The following PRDM15 variants were observed in gnomAD, a reference collection of about 807,000 sequenced individuals.
The protein encoded by PRDM15 is PR domain zinc finger protein 15.
PRDM15 carries 64 observed loss-of-function variants against 128.6 expected under a neutral mutation model. The observed-to-expected ratio is 0.50, with a 90% CI of 0.41 to 0.61. PRDM15 has a LOEUF of 0.61. Among genes scored for constraint, PRDM15 ranks in the 20% least tolerant of loss-of-function variants. PRDM15 has a pLI of 0.00. For missense variants in PRDM15, 1,242 were observed against 1,569.1 expected (o/e 0.79, Z 3.52); for synonymous variants, 615 against 621.8 (o/e 0.99, Z 0.16).
intron 5 of PRDM15, among the ~76,000 whole-genome samples, chr21:41,849,121 A>T (rs2063351249): frequency 6.6e-6 from 1 of 152,236 alleles, no homozygotes; most frequent in Admixed American, 6.5e-5. Flanking sequence ...AAAACAAACA[A>T]ACAAAAAAGG....
chr21:41,807,203 G>A (rs1446657507), intron 21 of PRDM15, among the ~76,000 whole-genome samples: 1 of 152,214 alleles, frequency 6.6e-6, no homozygotes, highest in Non-Finnish European at 1.5e-5. Flanking sequence ...AGAAAAAAGT[G>A]AAAATTGCTT....
intron 23 of PRDM15, among the ~76,000 whole-genome samples, chr21:41,802,468 T>G (rs1354421326): frequency 6.6e-6 from 1 of 152,184 alleles, no homozygotes; most frequent in African/African-American, 2.4e-5. Flanking sequence ...CAGGGATATC[T>G]CTCTTCAACA....
Position 41,801,589 on chromosome 21 carries a change from T to G in PRDM15, c.3077A>C (p.His1026Pro), listed in dbSNP as rs766733881. 2 of 1,613,880 alleles carry G rather than the reference T, an allele frequency of 1.2e-6. No individual in the cohort carries two copies. The highest frequency in any genetic ancestry group is 2.2e-5 in the South Asian group (2 of 91,066). Residue 1026 changes from histidine to proline, a missense_variant, in exon 24 of 24, where the codon CAC (histidine) becomes CCC (proline). His to Pro is a moderately conservative substitution (Grantham distance 77, BLOSUM62 -2). Coordinates refer to ENST00000398548, the MANE Select transcript of PRDM15 (RefSeq NM_001040424.3). Reference sequence around the variant, plus strand: ...TAACTGGCGTTCAGGGGTGGTAAGGTGCCCCACGGCCACCGGCTGGAGATT... The same window carrying G: ...TAACTGGCGTTCAGGGGTGGTAAGGGGCCCCACGGCCACCGGCTGGAGATT... ...FTNLQPVAVG[H>P]LTTPERQLQL...
chr21:41,834,500 C>T (rs1372626956), intron 11 of PRDM15: 2 of 1,550,254 alleles, frequency 1.3e-6, no homozygotes, highest in South Asian at 1.2e-5. Context: ...GCGTCGAAGG[C>T]TAACCTGGTA....
intron 1 of PRDM15, among the ~76,000 whole-genome samples, chr21:41,866,701 G>C (rs1440583571): frequency 6.6e-6 from 1 of 152,158 alleles, no homozygotes; most frequent in African/African-American, 2.4e-5. Flanking sequence ...CCAGATATTC[G>C]TGGGACACCT....
At chr21:41,878,641 G>A in intron 1 of PRDM15, 1 of 1,129,512 alleles carries the variant, frequency 8.9e-7, no homozygotes, top group Non-Finnish European at 1.2e-6. Context: ...CCTTCTCTCT[G>A]CCACCAAAAG....
intron 1 of PRDM15, chr21:41,867,419 T>A: frequency 7.1e-7 from 1 of 1,413,976 alleles, no homozygotes; most frequent in Non-Finnish European, 1.0e-6. Flanking sequence ...CTCTACACAC[T>A]TCAGCAGAAC....
intron 11 of PRDM15, among the ~76,000 whole-genome samples, chr21:41,830,011 CAT>C (rs1343958749): frequency 2.0e-5 from 3 of 151,664 alleles, no homozygotes; most frequent in Non-Finnish European, 4.4e-5. Context: ...CACAAACACA[CAT>C]ACTCAACACA....
In PRDM15 at chr21:41,801,593, C is replaced by T. The variant is rs1459380979; in HGVS notation, c.3073G>A (p.Gly1025Arg). The change falls in exon 24 of 24, where the codon GGG (glycine) becomes AGG (arginine). Residue 1025 changes from glycine (G) to arginine (R), a missense_variant. Gly to Arg is a moderately radical substitution (Grantham distance 125, BLOSUM62 -2). Around this residue, in one of 3 missense-constraint regions of PRDM15, gnomAD observed 602 missense variants for 788.3 expected, o/e 0.76. Coordinates refer to ENST00000398548, the MANE Select transcript of PRDM15 (RefSeq NM_001040424.3). ...QFTNLQPVAV[G>R]HLTTPERQLQ... ...TGGCGTTCAGGGGTGGTAAGGTGCC[C>T]CACGGCCACCGGCTGGAGATTGGTA... 30 of 1,614,118 alleles carry T rather than the reference C, an allele frequency of 1.9e-5. No homozygotes were observed. Among genetic ancestry groups the T allele is most frequent in the Non-Finnish European group, 2.5e-5 (29 of 1,180,026 alleles).
intron 6 of PRDM15, among the ~76,000 whole-genome samples, chr21:41,845,623 G>A (rs1044455884): frequency 6.6e-6 from 1 of 151,990 alleles, no homozygotes; most frequent in Non-Finnish European, 1.5e-5. Context: ...ATGGAGCCAC[G>A]GTTGTACCTC....
At chr21:41,835,296 T>A (rs1166423263) in intron 11 of PRDM15, 141 bp downstream of exon 11, 1 of 696,130 alleles carries the variant, frequency 1.4e-6, no homozygotes, top group East Asian at 2.7e-5. Flanking sequence ...TGAAGCAAAA[T>A]GGACAGAGGG....
intron 11 of PRDM15, among the ~76,000 whole-genome samples, chr21:41,829,962 T>C (rs2062626028): frequency 7.0e-6 from 1 of 142,186 alleles, no homozygotes; most frequent in Non-Finnish European, 1.5e-5. Flanking sequence ...AAATACACAG[T>C]CAACACACAC....
At chr21:41,830,667 CACCACACAAATACATCCACAT>C (rs386627334) in intron 11 of PRDM15, among the ~76,000 whole-genome samples, 90,457 of 151,502 alleles carry the variant, frequency 0.6, 27,170 homozygotes, top group Admixed American at 0.67. Flanking sequence ...ACTAAACACA[CACCACACAAATACATCCACAT>C]ACCACACAAA....
At chr21:41,819,298 G>T (rs550586006) in intron 18 of PRDM15, among the ~76,000 whole-genome samples, 1 of 152,176 alleles carries the variant, frequency 6.6e-6, no homozygotes, top group South Asian at 2.1e-4. Context: ...GCCTGGCTGA[G>T]CCTGGCCCGT....
rs191771894 is a variant in PRDM15 at position 41,839,789 on chromosome 21, T to A, written c.705A>T (p.Ala235=). The change falls in exon 7 of 24, where the codon GCA becomes GCT. Residue 235 remains alanine, a synonymous_variant. Coordinates refer to ENST00000398548, the MANE Select transcript of PRDM15 (RefSeq NM_001040424.3). ...GTGTGTCCTGCTCCTTCTCGGGAGC[T>A]GCTGCCTCGCTTTGGCTGCCTGGAG... ...SLPPGSQSEA[A]APEKEQDTPR... 2.5e-6 allele frequency: 4 copies of A among 1,614,278 alleles called. 1 individual carries two copies. In the Admixed American group the frequency reaches 6.7e-5, roughly 27 times the overall value.
At position 41,837,233 on chromosome 21, in the gene PRDM15, C is replaced by A. The variant is rs150692625; in HGVS notation, c.1002-584G>T. Among the ~76,000 whole-genome samples the A allele has an allele frequency of 3.7e-4, 56 of 152,318 alleles. No individual in the cohort carries two copies. In the East Asian group the frequency reaches 8.3e-3, roughly 23 times the overall value. ...CAAGAATCGTAACTAAAACACAGGGCAAGCTGTTATATTTACTGAAATTCA... is the reference window on the plus strand; with the variant it reads ...CAAGAATCGTAACTAAAACACAGGGAAAGCTGTTATATTTACTGAAATTCA... On this transcript the variant is annotated intron_variant, in intron 8 of 23. Transcript: ENST00000398548.
intron 1 of PRDM15, among the ~76,000 whole-genome samples, chr21:41,866,076 A>T (rs905221324): frequency 6.6e-6 from 1 of 152,184 alleles, no homozygotes; most frequent in Non-Finnish European, 1.5e-5. Flanking sequence ...ACAGAAGCTT[A>T]AAAGTGACTT....
chr21:41,806,523 CACCACCACCATCACT>C (rs2061655139), intron 21 of PRDM15, among the ~76,000 whole-genome samples: 10 of 8,372 alleles, frequency 1.2e-3, no homozygotes, highest in African/African-American at 3.5e-3. Flanking sequence ...CCACCACCAT[CACCACCACCATCACT>C]ACCACCAACA....
rs2062240293 is a variant in PRDM15 at position 41,821,007 on chromosome 21, T to G, written c.2060+60A>C. On this transcript the variant is annotated intron_variant, in intron 16 of 23. Transcript: ENST00000398548. The surrounding 1 kb of genome is among the most constrained non-coding windows in gnomAD (Gnocchi z 5.4). ...TGGCTCCTTATAGCATGTGTCTCTTTGCAAGGAAGCATGTCCCCTCTCTCC... is the reference window on the plus strand; with the variant it reads ...TGGCTCCTTATAGCATGTGTCTCTTGGCAAGGAAGCATGTCCCCTCTCTCC... 5 of 1,602,856 alleles carry G rather than the reference T, an allele frequency of 3.1e-6. No individual in the cohort carries two copies. The highest frequency in any genetic ancestry group is 4.3e-6 in the Non-Finnish European group (5 of 1,170,168).
Sources: gnomAD v4.1 joint callset for allele counts (sites outside exome capture counted in the v4.1 genomes callset) on GRCh38, gnomAD v4.1.1 for gene constraint, gnomAD v4.1.1 regional missense constraint, Gnocchi (gnomAD v3.1) non-coding constraint, MANE v1.5 for transcripts, NCBI Gene and HGNC (gene_info 2026-07-23, HGNC 2026-07-21) for gene names.